APLF: variants seen among roughly 807,000 people sequenced by gnomAD.
APLF encodes the protein aprataxin and PNKP like factor, also known as aprataxin and PNK-like factor.
A neutral mutation model predicts 55.6 loss-of-function variants in APLF; 61 were observed. The observed-to-expected ratio is 1.10, with a 90% confidence interval of 0.89 to 1.36. The LOEUF (loss-of-function observed/expected upper bound fraction) is 1.36, where lower values mean the gene tolerates loss of function less well. Ranked by LOEUF, APLF falls within the 40% of genes most tolerant of loss-of-function variation. The pLI, the probability that APLF is intolerant of heterozygous loss-of-function variation, is 0.00. For synonymous variants in APLF, 207 were observed against 214.8 expected (o/e 0.96, Z 0.32); for missense variants, 611 against 602.5 (o/e 1.01, Z -0.15).
chr2:68,504,221 A>G (rs112956578), intron 3 of APLF, among the ~76,000 whole-genome samples: 2,083 of 152,136 alleles, frequency 0.014, 41 homozygotes, highest in African/African-American at 0.046. Flanking sequence ...AATGAATTCT[A>G]TTAAACTTAC....
chr2:68,497,458 C>T (rs1367399184), intron 2 of APLF, among the ~76,000 whole-genome samples: 1 of 152,054 alleles, frequency 6.6e-6, no homozygotes, highest in African/African-American at 2.4e-5. Flanking sequence ...CTCTCTCTTT[C>T]TCCTGCTCCA....
chr2:68,507,057 G>C (rs372444426), intron 3 of APLF, among the ~76,000 whole-genome samples: 135 of 151,936 alleles, frequency 8.9e-4, no homozygotes, highest in African/African-American at 3.1e-3. Flanking sequence ...ATTGAGGCTG[G>C]GCATGGAGAG....
chr2:68,486,670 A>G (rs1418508264), intron 1 of APLF, among the ~76,000 whole-genome samples: 2 of 152,162 alleles, frequency 1.3e-5, no homozygotes, highest in Non-Finnish European at 2.9e-5. Context: ...CTAGTTTTAC[A>G]TTACATATGG....
At chr2:68,558,371 G>A (rs1371105023) in intron 8 of APLF, among the ~76,000 whole-genome samples, 1 of 151,918 alleles carries the variant, frequency 6.6e-6, no homozygotes, top group Non-Finnish European at 1.5e-5. Context: ...TGGTTTACTT[G>A]TTTTTTATTT....
At position 68,571,357 on chromosome 2, in the gene APLF, G is replaced by T. The variant is rs1457054240; in HGVS notation, c.1333+3970G>T. ...CCATTGCTTTTGGTGTTTTAGACATGAAGTCCTTGCTTATGCCTATGTCCT... is the reference window on the plus strand; with the variant it reads ...CCATTGCTTTTGGTGTTTTAGACATTAAGTCCTTGCTTATGCCTATGTCCT... On this transcript the variant is annotated intron_variant, in intron 9 of 9. Coordinates refer to ENST00000303795, the MANE Select transcript of APLF (RefSeq NM_173545.3). Among the ~76,000 whole-genome samples the T allele has an allele frequency of 1.3e-4, 20 of 152,298 alleles. No homozygotes were observed. In the South Asian group the frequency reaches 2.5e-3, roughly 19 times the overall value.
rs766074297 is a variant in APLF, at chr2:68,487,597, A to G, written c.97-2593A>G. Among the ~76,000 whole-genome samples, 65 of 152,166 alleles carry G rather than the reference A, an allele frequency of 4.3e-4. 1 individual carries two copies. The highest frequency in any genetic ancestry group is 1.2e-4 in the Non-Finnish European group (8 of 68,034). On this transcript the variant is annotated intron_variant, in intron 1 of 9. Coordinates refer to ENST00000303795, the MANE Select transcript of APLF (RefSeq NM_173545.3). Reference sequence around the variant, plus strand: ...TGTTATTACAGTTGATGTATTAATAAATAATAAAAATGTGTTGGATATTCA... The same window carrying G: ...TGTTATTACAGTTGATGTATTAATAGATAATAAAAATGTGTTGGATATTCA...
intron 8 of APLF, among the ~76,000 whole-genome samples, chr2:68,556,723 T>C (rs1425639919): frequency 2.0e-5 from 3 of 152,210 alleles, no homozygotes; most frequent in Non-Finnish European, 4.4e-5. Context: ...TAGGCTACCA[T>C]GTGTCATGCA....
intron 9 of APLF, among the ~76,000 whole-genome samples, chr2:68,571,905 G>A (rs556132563): frequency 2.6e-5 from 4 of 151,966 alleles, no homozygotes; most frequent in Non-Finnish European, 5.9e-5. Context: ...CTAATTATTG[G>A]GGTCCTCCTT....
At position 68,553,477 on chromosome 2, in the gene APLF, T is replaced by C. The variant is rs1670921014; in HGVS notation, c.1286+8165T>C. Reference sequence around the variant, plus strand: ...TATTTTTGAGGGTATATTTGTGAAGTATATTATTTTTATTAGCTATATACT... The same window carrying C: ...TATTTTTGAGGGTATATTTGTGAAGCATATTATTTTTATTAGCTATATACT... On this transcript the variant is annotated intron_variant, in intron 8 of 9. Transcript: ENST00000303795. Among the ~76,000 whole-genome samples the C allele has an allele frequency of 3.3e-5, 5 of 151,590 alleles. No homozygotes were observed. In the South Asian group the frequency reaches 1.0e-3, roughly 31 times the overall value.
At position 68,513,697 on chromosome 2, in the gene APLF, AC is replaced by A; in HGVS notation, c.622+18del. On this transcript the variant is annotated intron_variant, in intron 5 of 9. Transcript: ENST00000303795. ...TCAGTGGAGGTAGGTTTTTGTTTCTACTAATGCTGACTTTAAAGGAAACATT... is the reference window on the plus strand; with the variant it reads ...TCAGTGGAGGTAGGTTTTTGTTTCTATAATGCTGACTTTAAAGGAAACATT... 1 of 1,605,606 alleles carries A rather than the reference AC, an allele frequency of 6.2e-7. No homozygotes were observed.
At position 68,467,743 on chromosome 2, in the gene APLF, C is replaced by T. The variant is rs1396595623; in HGVS notation, c.12C>T (p.Gly4=). The change falls in exon 1 of 10, where the codon GGC becomes GGT. Residue 4 remains glycine (G), a synonymous_variant. Transcript: ENST00000303795. MSG[G]FELQPRDGGP... is the part of the protein sequence containing the mutation. ...AATCCTTGCCCGCCATGTCCGGGGG[C>T]TTCGAGCTGCAGCCGCGGGACGGCG... 1 of 1,234,932 alleles carries T rather than the reference C, an allele frequency of 8.1e-7. No homozygotes were observed. The allele number at this position is 1,234,932 out of a possible 1,614,324, so 76.5% of individuals were successfully genotyped here. A position where few individuals can be genotyped will look rare whatever the true frequency, so the allele number is the denominator to read the frequency against.
chr2:68,515,807 T>G (rs1669562837), intron 5 of APLF: 3 of 898,270 alleles, frequency 3.3e-6, no homozygotes, highest in Non-Finnish European at 4.0e-6. Flanking sequence ...CTTAATTCCT[T>G]TAAAGACAGT....
At chr2:68,501,502 C>G (rs1157165642) in intron 2 of APLF, among the ~76,000 whole-genome samples, 1 of 151,534 alleles carries the variant, frequency 6.6e-6, no homozygotes, top group East Asian at 1.9e-4. Flanking sequence ...TTTTAAAAAC[C>G]CAGTGATATT....
intron 8 of APLF, among the ~76,000 whole-genome samples, chr2:68,564,353 T>C (rs1671241790): frequency 6.6e-6 from 1 of 152,102 alleles, no homozygotes; most frequent in Non-Finnish European, 1.5e-5. Context: ...TTTTTTCCAG[T>C]TTTCAAAGCT....
intron 8 of APLF, among the ~76,000 whole-genome samples, chr2:68,559,672 G>C (rs1407192426): frequency 1.3e-5 from 2 of 152,010 alleles, no homozygotes; most frequent in Non-Finnish European, 2.9e-5. Flanking sequence ...TTAGGAACCT[G>C]TTCATTTCTT....
chr2:68,532,032 AG>A (rs1266159842), intron 6 of APLF, among the ~76,000 whole-genome samples: 1 of 152,290 alleles, frequency 6.6e-6, no homozygotes, highest in East Asian at 1.9e-4. Flanking sequence ...TCCTTTATGC[AG>A]GGCTCTCTGG....
At chr2:68,560,942 A>G (rs1360764346) in intron 8 of APLF, among the ~76,000 whole-genome samples, 1 of 152,108 alleles carries the variant, frequency 6.6e-6, no homozygotes, top group African/African-American at 2.4e-5. Flanking sequence ...CTTGTTATGA[A>G]ATAACTGACT....
chr2:68,503,879 A>C (rs543019790), intron 3 of APLF, among the ~76,000 whole-genome samples: 2 of 152,166 alleles, frequency 1.3e-5, no homozygotes, highest in East Asian at 3.9e-4. Flanking sequence ...AAAATGGCCA[A>C]AATAAAATCA....
intron 5 of APLF, among the ~76,000 whole-genome samples, chr2:68,518,710 ACAATAATATAT>A (rs1669758464): frequency 8.0e-6 from 1 of 124,878 alleles, no homozygotes; most frequent in Non-Finnish European, 1.6e-5. Flanking sequence ...TCATGAATAT[ACAATAATATAT>A]CATTAATATA....
Sources: allele counts gnomAD v4.1 joint callset (sites outside exome capture counted in the v4.1 genomes callset), GRCh38; gene constraint gnomAD v4.1.1; transcripts MANE v1.5; gene names NCBI Gene and HGNC (gene_info 2026-07-23, HGNC 2026-07-21).